Variants in ZSWIM6 observed in about 807,000 individuals in gnomAD.
ZSWIM6 encodes the protein zinc finger SWIM-type containing 6, also known as zinc finger SWIM domain-containing protein 6.
In ZSWIM6, 9 loss-of-function variants were observed where a neutral mutation model predicts 113.2. That is an observed-to-expected ratio of 0.08 (90% confidence interval 0.05 to 0.14). The LOEUF (loss-of-function observed/expected upper bound fraction) is 0.14, where lower values mean the gene tolerates loss of function less well. Among genes scored for constraint, ZSWIM6 ranks in the 10% least tolerant of loss-of-function variants. ZSWIM6 has a pLI of 1.00. For missense variants in ZSWIM6, 1,162 were observed against 1,552.2 expected (o/e 0.75, Z 4.22); for synonymous variants, 611 against 606.5 (o/e 1.01, Z -0.11).
chr5:61,462,989 G>A (rs1308811044), intron 1 of ZSWIM6, among the ~76,000 whole-genome samples: 3 of 152,086 alleles, frequency 2.0e-5, no homozygotes, highest in Non-Finnish European at 4.4e-5. Flanking sequence ...TGAAAAATGT[G>A]TTACTAAAAT....
chr5:61,372,225 T>A (rs1339773799), intron 1 of ZSWIM6, among the ~76,000 whole-genome samples: 1 of 151,454 alleles, frequency 6.6e-6, no homozygotes, highest in Non-Finnish European at 1.5e-5. Context: ...CTCTTCCACC[T>A]TAAAAAAAAA....
At chr5:61,481,655 A>G (rs1304715432) in intron 2 of ZSWIM6, among the ~76,000 whole-genome samples, 1 of 151,892 alleles carries the variant, frequency 6.6e-6, no homozygotes, top group Non-Finnish European at 1.5e-5. Flanking sequence ...AATCACAACT[A>G]AATCAGAACC....
At chr5:61,457,547 G>A (rs1028522275) in intron 1 of ZSWIM6, among the ~76,000 whole-genome samples, 5 of 151,882 alleles carry the variant, frequency 3.3e-5, no homozygotes, top group African/African-American at 1.2e-4. Flanking sequence ...TTGAGACAGA[G>A]TTTCACTCTT....
At chr5:61,361,115 G>A (rs1054474243) in intron 1 of ZSWIM6, among the ~76,000 whole-genome samples, 1 of 152,176 alleles carries the variant, frequency 6.6e-6, no homozygotes, top group Non-Finnish European at 1.5e-5. Flanking sequence ...AGGTCCCAAT[G>A]TGGACTTTTC....
chr5:61,481,751 AT>A (rs1747873134), intron 2 of ZSWIM6, among the ~76,000 whole-genome samples: 1 of 152,052 alleles, frequency 6.6e-6, no homozygotes, highest in Non-Finnish European at 1.5e-5. Context: ...TGCCTGTGAC[AT>A]TACATTACCA....
At position 61,538,083 on chromosome 5, in the gene ZSWIM6, C is replaced by T. The variant is rs529891468; in HGVS notation, c.2382-731C>T. Among the ~76,000 whole-genome samples, 14 of 152,170 alleles carry T rather than the reference C, an allele frequency of 9.2e-5. No homozygotes were observed. The East Asian group carries it at 2.3e-3, about 25-fold the overall frequency. ...GGATTACAGGCACATGCCACCACACCCAACTGATTTATATTTTGTAGAAAC... is the reference window on the plus strand; with the variant it reads ...GGATTACAGGCACATGCCACCACACTCAACTGATTTATATTTTGTAGAAAC... On this transcript the variant is annotated intron_variant, in intron 10 of 13. Coordinates refer to ENST00000252744, the MANE Select transcript of ZSWIM6 (RefSeq NM_020928.2).
At position 61,439,791 on chromosome 5, in the gene ZSWIM6, GT is replaced by G. The variant is rs142096005; in HGVS notation, c.677-32887del. 1.2e-3 allele frequency among the ~76,000 whole-genome samples: 180 copies of G among 152,242 alleles called. 4 individuals are homozygous for G. The East Asian group carries it at 0.03, about 25-fold the overall frequency. On this transcript the variant is annotated intron_variant, in intron 1 of 13. Coordinates refer to ENST00000252744, the MANE Select transcript of ZSWIM6 (RefSeq NM_020928.2). Reference sequence around the variant, plus strand: ...CATAGAGAATATACGTAGCTTTTAAGTTTACTAGATAAGTGATTTTCCAATT... The same window carrying G: ...CATAGAGAATATACGTAGCTTTTAAGTTACTAGATAAGTGATTTTCCAATT...
chr5:61,437,308 T>A (rs1746729513), intron 1 of ZSWIM6, among the ~76,000 whole-genome samples: 4 of 152,184 alleles, frequency 2.6e-5, no homozygotes, highest in African/African-American at 7.2e-5. Flanking sequence ...TTAGGCCTCG[T>A]GTTTTGGACA....
At chr5:61,338,483 T>C (rs1458458990) in intron 1 of ZSWIM6, among the ~76,000 whole-genome samples, 1 of 152,216 alleles carries the variant, frequency 6.6e-6, no homozygotes, top group East Asian at 1.9e-4. Context: ...TATTGTTCTT[T>C]TGTGTGAGTT....
Position 61,332,453 on chromosome 5 carries a change from G to C in ZSWIM6, c.181G>C (p.Ala61Pro). Reference protein sequence around the residue: ...AAAAAACGGGAALGLLPPGKT... With the variant: ...AAAAAACGGGPALGLLPPGKT... The stretch of plus-strand genomic sequence containing the variant: ...GGCGGCGGCGGCGTGCGGGGGCGGC[G>C]CGGCGCTGGGGTTGCTGCCGCCGGG... The change falls in exon 1 of 14, where the codon GCG (alanine) becomes CCG (proline). Residue 61 changes from alanine to proline, a missense_variant. By Grantham distance (27) the Ala-to-Pro change is conservative (BLOSUM62 -1). Coordinates refer to ENST00000252744, the MANE Select transcript of ZSWIM6 (RefSeq NM_020928.2). The C allele has an allele frequency of 9.7e-7, 1 of 1,031,570 alleles. No homozygotes were observed. The highest frequency in any genetic ancestry group is 4.1e-5 in the South Asian group (1 of 24,232). The allele number at this position is 1,031,570 out of a possible 1,614,324, so 63.9% of individuals were successfully genotyped here.
intron 4 of ZSWIM6, among the ~76,000 whole-genome samples, chr5:61,515,940 G>C (rs1363827729): frequency 6.6e-6 from 1 of 151,834 alleles, no homozygotes; most frequent in Admixed American, 6.6e-5. Flanking sequence ...AGTATTCCTT[G>C]TTCTAAAGTT....
chr5:61,419,697 T>G (rs919991692), intron 1 of ZSWIM6, among the ~76,000 whole-genome samples: 1 of 152,252 alleles, frequency 6.6e-6, no homozygotes, highest in Non-Finnish European at 1.5e-5. Flanking sequence ...AGCACTGGTC[T>G]AGAATATCAT....
chr5:61,391,212 G>C, intron 1 of ZSWIM6: 1 of 883,090 alleles, frequency 1.1e-6, no homozygotes, highest in Non-Finnish European at 1.9e-6. Flanking sequence ...TGGTCAACCT[G>C]ATGACGTCGA....
In ZSWIM6 at chr5:61,539,653, C is replaced by T. The variant is rs1749677868; in HGVS notation, c.2597C>T (p.Ser866Leu). ...TCCATCCAGAAAAACATTCACTCCT[C>T]ATCACACATCTTCAAGCTTGCCCAA... is the stretch of plus-strand genomic sequence containing the variant. ...LESIQKNIHSSSHIFKLAQDA... is the reference protein window; with the variant it reads ...LESIQKNIHSLSHIFKLAQDA... Residue 866 changes from serine to leucine, a missense_variant, in exon 12 of 14, where the codon TCA becomes TTA. This residue lies in a region of ZSWIM6 where 620 missense variants were observed against 804.6 expected (regional missense o/e 0.77). Transcript: ENST00000252744. 6.4e-7 allele frequency: 1 copy of T among 1,551,884 alleles called. No homozygotes were observed. Among genetic ancestry groups the T allele is most frequent in the Admixed American group, 2.0e-5 (1 of 50,964 alleles).
At chr5:61,366,784 C>G (rs1412730625) in intron 1 of ZSWIM6, among the ~76,000 whole-genome samples, 1 of 152,038 alleles carries the variant, frequency 6.6e-6, no homozygotes, top group East Asian at 1.9e-4. Flanking sequence ...CAAAAATTAA[C>G]CAGACGTGAT....
At position 61,472,324 on chromosome 5, in the gene ZSWIM6, G is replaced by T. The variant is rs1747591377; in HGVS notation, c.677-357G>T. Among the ~76,000 whole-genome samples the T allele has an allele frequency of 6.6e-6, 1 of 152,110 alleles. No individual in the cohort carries two copies. On this transcript the variant is annotated intron_variant, in intron 1 of 13. Coordinates refer to ENST00000252744, the MANE Select transcript of ZSWIM6 (RefSeq NM_020928.2). This position sits in a 1 kb window ranked among gnomAD's most constrained non-coding sequence, Gnocchi z 4.1. ...AAAAGAAGAAACCACTGATCCCACT[G>T]ATCTAGGGGATTATTGTGTTGTATA...
intron 4 of ZSWIM6, among the ~76,000 whole-genome samples, chr5:61,515,690 A>G (rs1001836140): frequency 1.1e-4 from 16 of 152,154 alleles, no homozygotes; most frequent in Non-Finnish European, 2.2e-4. Context: ...CATTCAGACC[A>G]TAGCAGTATT....
chr5:61,541,364 AT>A (rs961181603), intron 12 of ZSWIM6, among the ~76,000 whole-genome samples: 5 of 152,192 alleles, frequency 3.3e-5, no homozygotes, highest in African/African-American at 9.6e-5. Context: ...ATCAAGGATG[AT>A]TTTTTCCCCC....
chr5:61,512,820 G>A (rs541065502), intron 4 of ZSWIM6, among the ~76,000 whole-genome samples: 1 of 152,046 alleles, frequency 6.6e-6, no homozygotes, highest in African/African-American at 2.4e-5. Flanking sequence ...CTGAAAAAAT[G>A]GACTGTGTGT....
Sources: allele counts gnomAD v4.1 joint callset (sites outside exome capture counted in the v4.1 genomes callset), GRCh38; gene constraint gnomAD v4.1.1; regional missense constraint gnomAD v4.1.1; non-coding constraint Gnocchi (gnomAD v3.1); transcripts MANE v1.5; gene names NCBI Gene and HGNC (gene_info 2026-07-23, HGNC 2026-07-21).